Variants in CYP46A1 observed in about 807,000 individuals in gnomAD.
CYP46A1 encodes the protein cytochrome P450 family 46 subfamily A member 1, also known as cholesterol 24-hydroxylase.
Under a neutral mutation model 63.3 loss-of-function variants are expected in CYP46A1, and 20 were observed. The observed-to-expected ratio is 0.32, with a 90% CI of 0.22 to 0.46. The LOEUF is 0.46. CYP46A1 is among the 20% of genes least tolerant of loss of function. The probability of loss-of-function intolerance (pLI) is 1.00; values close to 1 mark genes in which losing one functional copy is unlikely to be tolerated. For synonymous variants in CYP46A1, 268 were observed against 273.6 expected, an observed-to-expected ratio of 0.98 and a Z score of 0.20; for missense variants, 445 against 670.8, an observed-to-expected ratio of 0.66 and a Z score of 3.72.
Position 99,726,586 on chromosome 14 carries a change from G to T in CYP46A1, c.1362G>T (p.Leu454=). 1 of 1,592,690 alleles carries T rather than the reference G, an allele frequency of 6.3e-7. No individual in the cohort carries two copies. The highest frequency in any genetic ancestry group is 8.5e-7 in the Non-Finnish European group (1 of 1,171,238). The part of the protein sequence containing the change: ...QMEVKVVMAK[L]LQRLEFRLVP... ...AGGTGAAGGTGGTCATGGCAAAGCT[G>T]CTGCAGAGGCTGGAGTTCCGGCTGG... is the stretch of plus-strand genomic sequence containing the variant. The change falls in exon 15 of 15, where the codon CTG becomes CTT. Residue 454 remains leucine, a synonymous_variant. Coordinates refer to ENST00000261835, the MANE Select transcript of CYP46A1 (RefSeq NM_006668.2).
intron 10 of CYP46A1, among the ~76,000 whole-genome samples, chr14:99,720,459 C>CT (rs34168201): frequency 0.76 from 96,500 of 127,266 alleles, 38,348 homozygotes; most frequent in South Asian, 0.89. Context: ...CAGATCCACT[C>CT]TTTTTTTTTT....
chr14:99,691,030 C>T (rs374463422), intron 1 of CYP46A1, 51 bp from the exon 2 acceptor site: 26 of 1,548,676 alleles, frequency 1.7e-5, no homozygotes, highest in Non-Finnish European at 1.8e-5. Context: ...GGGAAGGGAG[C>T]GTTCTTTCCT....
At position 99,722,831 on chromosome 14, in the gene CYP46A1, T is replaced by G; in HGVS notation, c.1176+765T>G. 2.3e-6 allele frequency: 1 copy of G among 426,380 alleles called. No individual in the cohort carries two copies. The highest frequency in any genetic ancestry group is 7.3e-5 in the East Asian group (1 of 13,728). 26.4% of individuals were successfully genotyped at this position (426,380 alleles called of 1,614,324 possible). A position where few individuals can be genotyped will look rare whatever the true frequency, so the allele number is the denominator to read the frequency against. ...TGACAGGCATTTGAGAGGTGTCCAG[T>G]TTGTCCCTATCTCGAGCACCACAGC... On this transcript the variant is annotated intron_variant, in intron 12 of 14. Transcript: ENST00000261835. This position sits in a 1 kb window ranked among gnomAD's most constrained non-coding sequence, Gnocchi z 4.6.
chr14:99,700,689 C>T (rs114230289), intron 5 of CYP46A1, among the ~76,000 whole-genome samples: 1,553 of 152,264 alleles, frequency 0.01, 21 homozygotes, highest in African/African-American at 0.035. Context: ...ATGGACAGTA[C>T]GTAATATTGA....
chr14:99,689,796 G>T (rs2056527850), intron 1 of CYP46A1, among the ~76,000 whole-genome samples: 1 of 152,116 alleles, frequency 6.6e-6, no homozygotes, highest in African/African-American at 2.4e-5. Flanking sequence ...TGTCACTAGT[G>T]TCCCTGCTTC....
chr14:99,706,806 A>C, intron 6 of CYP46A1, 21 bp downstream of exon 6: 1 of 1,610,248 alleles, frequency 6.2e-7, no homozygotes, highest in Non-Finnish European at 8.5e-7. Context: ...ACAGTCGGGC[A>C]TGGGGGCCAG....
chr14:99,697,190 G>A (rs555731082), intron 3 of CYP46A1, among the ~76,000 whole-genome samples: 9 of 152,330 alleles, frequency 5.9e-5, no homozygotes, highest in Middle Eastern at 3.4e-3. Context: ...GTATACATCC[G>A]AAGACCTAAG....
At chr14:99,718,204 C>T (rs1440538196) in intron 10 of CYP46A1, 78 bp downstream of exon 10, 1 of 1,260,830 alleles carries the variant, frequency 7.9e-7, no homozygotes, top group Admixed American at 1.7e-5. Context: ...CCCCACCTCC[C>T]ATGGTTGAGT....
At chr14:99,723,799 C>A (rs1232320903) in intron 12 of CYP46A1, among the ~76,000 whole-genome samples, 1 of 152,184 alleles carries the variant, frequency 6.6e-6, no homozygotes, top group Non-Finnish European at 1.5e-5. Context: ...TTACTTTGTC[C>A]TCAGTTTTAC....
At chr14:99,721,386 C>G (rs2056845090) in intron 11 of CYP46A1, 63 bp downstream of exon 11, 2 of 1,115,126 alleles carry the variant, frequency 1.8e-6, no homozygotes, top group Admixed American at 3.5e-5. Flanking sequence ...ATGCCTGCTT[C>G]CTCCCTGGAC....
In CYP46A1 at chr14:99,721,453, A is replaced by T. The variant is rs2056845785; in HGVS notation, c.1065+130A>T. ...CATAGGGTCCTCCCCCGGAAGATTT[A>T]AAGTATCCTGAGGCCCAGGCTGCCC... is the stretch of plus-strand genomic sequence containing the variant. On this transcript the variant is annotated intron_variant, in intron 11 of 14. Transcript: ENST00000261835. 4.3e-6 allele frequency: 3 copies of T among 695,300 alleles called. No homozygotes were observed. In the East Asian group the frequency reaches 8.1e-5, roughly 19 times the overall value. 43.1% of individuals were successfully genotyped at this position (695,300 alleles called of 1,614,324 possible).
rs2056856106 is a variant in CYP46A1, at chr14:99,722,438, A to G, written c.1176+372A>G. 6.6e-6 allele frequency among the ~76,000 whole-genome samples: 1 copy of G among 152,082 alleles called. No individual in the cohort carries two copies. Among genetic ancestry groups the G allele is most frequent in the Non-Finnish European group, 1.5e-5 (1 of 68,006 alleles). Reference sequence around the variant, plus strand: ...CTGGTTCCTTCTCTCCTCACGTTTTACAGCCCTTTCTCTCTCGGCTTTCTC... The same window carrying G: ...CTGGTTCCTTCTCTCCTCACGTTTTGCAGCCCTTTCTCTCTCGGCTTTCTC... On this transcript the variant is annotated intron_variant, in intron 12 of 14. Transcript: ENST00000261835. The surrounding 1 kb of genome is among the most constrained non-coding windows in gnomAD (Gnocchi z 4.6).
intron 11 of CYP46A1, 59 bp from the exon 12 acceptor site, chr14:99,721,897 C>A: frequency 7.0e-7 from 1 of 1,429,936 alleles, no homozygotes; most frequent in Non-Finnish European, 9.8e-7. Flanking sequence ...TGCCGCCGGC[C>A]GGCATGATCT....
intron 4 of CYP46A1, 33 bp from the exon 5 acceptor site, chr14:99,699,982 C>T: frequency 1.6e-6 from 1 of 629,322 alleles, no homozygotes; most frequent in South Asian, 1.8e-5. Flanking sequence ...ACCCCCCACC[C>T]TCTTTCCCGC....
intron 9 of CYP46A1, chr14:99,717,844 C>T: frequency 1.9e-6 from 1 of 528,222 alleles, no homozygotes; most frequent in Admixed American, 3.5e-5. Context: ...TTCCTCTCCA[C>T]CTCCACTTTC....
At position 99,726,541 on chromosome 14, in the gene CYP46A1, T is replaced by G; in HGVS notation, c.1333-16T>G. On this transcript the variant is annotated splice_polypyrimidine_tract_variant and intron_variant, in intron 14 of 14. Coordinates refer to ENST00000261835, the MANE Select transcript of CYP46A1 (RefSeq NM_006668.2). ...TTGCTCCTTCATTCCTTCCTCATTT[T>G]GCCCGCTGGGCCCAGATGGAGGTGA... 6.4e-7 allele frequency: 1 copy of G among 1,554,416 alleles called. No homozygotes were observed. The highest frequency in any genetic ancestry group is 8.7e-7 in the Non-Finnish European group (1 of 1,150,162).
At chr14:99,726,459 C>T in intron 14 of CYP46A1, 98 bp from the exon 15 acceptor site, 1 of 1,315,620 alleles carries the variant, frequency 7.6e-7, no homozygotes, top group South Asian at 1.5e-5. Context: ...CTCACAGGCT[C>T]TCCAGGAGGA....
intron 13 of CYP46A1, 65 bp from the exon 14 acceptor site, chr14:99,726,121 TCTTC>T: frequency 1.4e-6 from 2 of 1,407,484 alleles, no homozygotes; most frequent in African/African-American, 1.4e-5. Context: ...TTAACTACTG[TCTTC>T]CTTATGTTGT....
At chr14:99,712,926 TG>T (rs2056748126) in intron 7 of CYP46A1, 1 of 152,170 alleles carries the variant, frequency 6.6e-6, no homozygotes, top group African/African-American at 2.4e-5. Flanking sequence ...CAAAACAGCA[TG>T]GTATTGGTTT....
Sources: allele counts gnomAD v4.1 joint callset (sites outside exome capture counted in the v4.1 genomes callset), GRCh38; gene constraint gnomAD v4.1.1; non-coding constraint Gnocchi (gnomAD v3.1); transcripts MANE v1.5; gene names NCBI Gene and HGNC (gene_info 2026-07-23, HGNC 2026-07-21).